Variants in MTA3 observed in about 807,000 individuals in gnomAD.
MTA3 encodes metastasis associated 1 family member 3.
A neutral mutation model predicts 83.5 loss-of-function variants in MTA3; 34 were observed. The ratio of observed to expected loss-of-function variants is 0.41; its 90% CI spans 0.31 to 0.54. The LOEUF is 0.54. Among genes scored for constraint, MTA3 ranks in the 20% least tolerant of loss-of-function variants. The probability of loss-of-function intolerance (pLI) is 0.33; values close to 1 mark genes in which losing one functional copy is unlikely to be tolerated. For synonymous variants in MTA3, 303 were observed against 252.7 expected, an observed-to-expected ratio of 1.20 and a Z score of -1.89; for missense variants, 761 against 726.4, an observed-to-expected ratio of 1.05 and a Z score of -0.55.
intron 14 of MTA3, among the ~76,000 whole-genome samples, chr2:42,713,039 G>C (rs1011439573): frequency 3.3e-5 from 5 of 152,188 alleles, no homozygotes; most frequent in Admixed American, 1.3e-4. Context: ...TGAGACTCAG[G>C]ATCCTCACAG....
intron 8 of MTA3, among the ~76,000 whole-genome samples, chr2:42,678,280 G>T (rs1691562426): frequency 1.3e-5 from 2 of 152,152 alleles, no homozygotes; most frequent in Admixed American, 1.3e-4. Flanking sequence ...TTATAACTCG[G>T]AAATTGTTCA....
intron 9 of MTA3, among the ~76,000 whole-genome samples, chr2:42,694,162 T>C (rs1693163031): frequency 6.6e-6 from 1 of 152,200 alleles, no homozygotes; most frequent in Non-Finnish European, 1.5e-5. Context: ...CTCTTCACTT[T>C]CCATCCCTTA....
rs959238005 is a variant in MTA3 at position 42,606,227 on chromosome 2, G to A, written c.191-3231G>A. Among the ~76,000 whole-genome samples the A allele has an allele frequency of 6.2e-5, 9 of 144,788 alleles. 1 individual carries two copies. The highest frequency in any genetic ancestry group is 4.5e-4 in the South Asian group (2 of 4,480). The allele number at this position is 144,788 out of a possible 152,430, so 95.0% of individuals were successfully genotyped here. ...CCCCCCCACCTCCCTCCCGGACGGGGTGGCTGCCGGGCGGAGACTCTCCTC... is the reference window on the plus strand; with the variant it reads ...CCCCCCCACCTCCCTCCCGGACGGGATGGCTGCCGGGCGGAGACTCTCCTC... On this transcript the variant is annotated intron_variant, in intron 3 of 16. Coordinates refer to ENST00000405094, the MANE Select transcript of MTA3 (RefSeq NM_001330442.2).
intron 10 of MTA3, among the ~76,000 whole-genome samples, chr2:42,696,099 C>T (rs1452958281): frequency 6.6e-6 from 1 of 152,072 alleles, no homozygotes; most frequent in Admixed American, 6.6e-5. Flanking sequence ...TTTGACTGAT[C>T]CTTCATCTCT....
chr2:42,732,033 G>A (rs1456361717), intron 16 of MTA3, among the ~76,000 whole-genome samples: 1 of 152,210 alleles, frequency 6.6e-6, no homozygotes, highest in Non-Finnish European at 1.5e-5. Context: ...TCCAGGTCAT[G>A]CTGACAAAAT....
At chr2:42,670,147 G>A (rs991485585) in intron 8 of MTA3, among the ~76,000 whole-genome samples, 3 of 151,926 alleles carry the variant, frequency 2.0e-5, no homozygotes, top group African/African-American at 4.8e-5. Context: ...TAATCCCAGC[G>A]ACTTGGGAGG....
At chr2:42,646,379 A>G (rs1044348549) in intron 6 of MTA3, among the ~76,000 whole-genome samples, 2 of 152,232 alleles carry the variant, frequency 1.3e-5, no homozygotes, top group Non-Finnish European at 1.5e-5. Context: ...ACCTAAGGCT[A>G]TACTTGCCAT....
intron 14 of MTA3, among the ~76,000 whole-genome samples, chr2:42,711,400 AT>A (rs1666597503): frequency 1.3e-5 from 2 of 152,330 alleles, no homozygotes; most frequent in African/African-American, 4.8e-5. Flanking sequence ...TTTTATTTCT[AT>A]AAGCATATAG....
At chr2:42,634,283 A>T (rs556050382) in intron 4 of MTA3, among the ~76,000 whole-genome samples, 2 of 152,324 alleles carry the variant, frequency 1.3e-5, no homozygotes, top group South Asian at 4.1e-4. Context: ...AGGTATTTTA[A>T]TTAGGATTTC....
intron 3 of MTA3, among the ~76,000 whole-genome samples, chr2:42,589,343 TTAAA>T (rs914422057): frequency 2.0e-5 from 3 of 152,168 alleles, no homozygotes; most frequent in Admixed American, 1.3e-4. Flanking sequence ...TATAAACTAT[TTAAA>T]TATATTTTCA....
intron 2 of MTA3, among the ~76,000 whole-genome samples, chr2:42,526,741 A>G (rs1164966054): frequency 6.6e-6 from 1 of 152,086 alleles, no homozygotes; most frequent in Non-Finnish European, 1.5e-5. Context: ...GATGGATTCA[A>G]TGGGCTAATG....
At chr2:42,602,450 T>C in intron 3 of MTA3, among the ~76,000 whole-genome samples, 1 of 152,228 alleles carries the variant, frequency 6.6e-6, no homozygotes, top group Non-Finnish European at 1.5e-5. Flanking sequence ...AAGAAACTTG[T>C]CACAGAAATT....
intron 8 of MTA3, among the ~76,000 whole-genome samples, chr2:42,662,732 CT>C (rs35392554): frequency 0.62 from 76,458 of 123,006 alleles, 21,808 homozygotes; most frequent in South Asian, 0.78. Flanking sequence ...TATATAAATA[CT>C]TTTTTTTTTT....
At chr2:42,571,674 G>C (rs1271002702) in intron 2 of MTA3, among the ~76,000 whole-genome samples, 1 of 152,098 alleles carries the variant, frequency 6.6e-6, no homozygotes, top group Non-Finnish European at 1.5e-5. Context: ...CTGGGCGGGT[G>C]CGGTGGCTCA....
At chr2:42,511,591 C>A (rs1461061294) in intron 2 of MTA3, 2 of 152,206 alleles carry the variant, frequency 1.3e-5, no homozygotes, top group Non-Finnish European at 1.5e-5. Flanking sequence ...TGGTGCATGC[C>A]TGTAATCCCA....
intron 3 of MTA3, among the ~76,000 whole-genome samples, chr2:42,588,805 TAC>T (rs1365358023): frequency 1.6e-5 from 1 of 62,504 alleles, no homozygotes; most frequent in Non-Finnish European, 2.9e-5. Context: ...GTATGTATTA[TAC>T]ATATATATAT....
At chr2:42,749,594 A>G (rs1221589402) in intron 16 of MTA3, among the ~76,000 whole-genome samples, 1 of 151,904 alleles carries the variant, frequency 6.6e-6, no homozygotes, top group East Asian at 1.9e-4. Flanking sequence ...CAGCCTCCCA[A>G]GTAGCTGGAA....
chr2:42,704,083 T>A, intron 11 of MTA3, 111 bp from the exon 12 acceptor site: 2 of 1,249,898 alleles, frequency 1.6e-6, no homozygotes, highest in South Asian at 1.6e-5. Flanking sequence ...TCACACATTT[T>A]AAAATGTTTG....
chr2:42,683,325 A>G (rs1312881544), intron 9 of MTA3, among the ~76,000 whole-genome samples: 2 of 152,178 alleles, frequency 1.3e-5, no homozygotes, highest in African/African-American at 4.8e-5. Flanking sequence ...CCTTAATGAA[A>G]TGACCTCTGC....
Sources: allele counts gnomAD v4.1 joint callset (sites outside exome capture counted in the v4.1 genomes callset), GRCh38; gene constraint gnomAD v4.1.1; transcripts MANE v1.5; gene names NCBI Gene and HGNC (gene_info 2026-07-23, HGNC 2026-07-21).